KIFAP3: variants seen among roughly 807,000 people sequenced by gnomAD.
KIFAP3 encodes the protein kinesin associated protein 3, also known as kinesin-associated protein 3.
KIFAP3 carries 68 observed loss-of-function variants against 106.5 expected under a neutral mutation model. The ratio of observed to expected loss-of-function variants is 0.64; its 90% CI spans 0.53 to 0.78. KIFAP3 has a LOEUF of 0.78. KIFAP3 is among the 30% of genes least tolerant of loss of function. The pLI, the probability that KIFAP3 is intolerant of heterozygous loss-of-function variation, is 0.00. For missense variants in KIFAP3, 780 were observed against 941.8 expected, an observed-to-expected ratio of 0.83 and a Z score of 2.25; for synonymous variants, 320 against 311.5, an observed-to-expected ratio of 1.03 and a Z score of -0.29.
At chr1:170,031,741 A>G (rs1254470987) in intron 8 of KIFAP3, 145 bp downstream of exon 8, 2 of 564,320 alleles carry the variant, frequency 3.5e-6, no homozygotes, top group African/African-American at 3.7e-5. Flanking sequence ...CCCATGCTAA[A>G]GACAGACGAA....
At chr1:170,059,938 C>G (rs372332687) in intron 1 of KIFAP3, among the ~76,000 whole-genome samples, 1 of 152,154 alleles carries the variant, frequency 6.6e-6, no homozygotes, top group Non-Finnish European at 1.5e-5. Context: ...TCAACAGATG[C>G]AGAAAAGGCC....
chr1:169,938,139 AAAAT>A (rs1663911075), intron 19 of KIFAP3, among the ~76,000 whole-genome samples: 1 of 151,884 alleles, frequency 6.6e-6, no homozygotes, highest in South Asian at 2.1e-4. Context: ...TTTTGAAAAT[AAAAT>A]AAAATTTTTC....
chr1:169,988,674 G>A (rs1666957659), intron 11 of KIFAP3, among the ~76,000 whole-genome samples: 1 of 151,774 alleles, frequency 6.6e-6, no homozygotes, highest in South Asian at 2.1e-4. Context: ...AAGGAAACTT[G>A]GAAATTTCAT....
At chr1:170,007,329 T>C (rs1016931879) in intron 10 of KIFAP3, among the ~76,000 whole-genome samples, 4 of 150,378 alleles carry the variant, frequency 2.7e-5, no homozygotes, top group African/African-American at 7.3e-5. Context: ...GATGGGCAGA[T>C]AGGGAAAGAG....
At chr1:170,081,355 T>C (rs1672018028) in intron 1 of KIFAP3, among the ~76,000 whole-genome samples, 1 of 152,246 alleles carries the variant, frequency 6.6e-6, no homozygotes. Flanking sequence ...ATTATACACC[T>C]ATATTAGTTT....
At position 169,957,554 on chromosome 1, in the gene KIFAP3, T is replaced by G. The variant is rs113520124; in HGVS notation, c.2174-3444A>C. Among the ~76,000 whole-genome samples the G allele has an allele frequency of 4.1e-3, 628 of 152,286 alleles. 5 individuals carry two copies. The highest frequency in any genetic ancestry group is 6.5e-3 in the Non-Finnish European group (444 of 68,004). ...TATAAACATTGTGAATTAAAAAAAA[T>G]ACAAAAACTCAGTATCTTCTTATAT... On this transcript the variant is annotated intron_variant, in intron 18 of 19. Transcript: ENST00000361580.
chr1:170,033,087 G>A (rs1182214955), intron 7 of KIFAP3, among the ~76,000 whole-genome samples: 1 of 151,726 alleles, frequency 6.6e-6, no homozygotes, highest in East Asian at 1.9e-4. Context: ...CAGAACTGAT[G>A]TAAAGTCTCT....
intron 17 of KIFAP3, among the ~76,000 whole-genome samples, chr1:169,971,788 A>G (rs1455274349): frequency 2.0e-5 from 3 of 152,048 alleles, no homozygotes; most frequent in Non-Finnish European, 4.4e-5. Context: ...TCTAAAGGTG[A>G]GCCAAATCCA....
chr1:170,042,807 CAT>C (rs1175420259), intron 3 of KIFAP3, among the ~76,000 whole-genome samples: 1 of 152,164 alleles, frequency 6.6e-6, no homozygotes, highest in African/African-American at 2.4e-5. Flanking sequence ...ATTGCCCTGA[CAT>C]AATTTTCCGC....
At chr1:169,982,222 G>C in intron 14 of KIFAP3, 125 bp from the exon 15 acceptor site, 1 of 992,340 alleles carries the variant, frequency 1.0e-6, no homozygotes, top group Non-Finnish European at 1.5e-6. Flanking sequence ...ATGAATCCTT[G>C]ATATGCTATA....
chr1:169,948,961 A>C (rs1484889844), intron 19 of KIFAP3, among the ~76,000 whole-genome samples: 1 of 152,038 alleles, frequency 6.6e-6, no homozygotes, highest in African/African-American at 2.4e-5. Flanking sequence ...GAGTATAATT[A>C]AGGCAGCCTT....
intron 17 of KIFAP3, among the ~76,000 whole-genome samples, chr1:169,966,089 A>G (rs1665600106): frequency 6.6e-6 from 1 of 151,896 alleles, no homozygotes; most frequent in African/African-American, 2.4e-5. Flanking sequence ...TCATTTTCTT[A>G]CTTAAAATAA....
intron 10 of KIFAP3, among the ~76,000 whole-genome samples, chr1:170,011,878 T>C (rs1010088394): frequency 8.5e-5 from 13 of 152,160 alleles, no homozygotes; most frequent in Admixed American, 2.0e-4. Flanking sequence ...GTAACATATA[T>C]ATTAACAAAT....
At chr1:169,944,479 C>T (rs1189456867) in intron 19 of KIFAP3, among the ~76,000 whole-genome samples, 1 of 152,170 alleles carries the variant, frequency 6.6e-6, no homozygotes, top group African/African-American at 2.4e-5. Flanking sequence ...GGAAGAGCCA[C>T]AGCTCTTCCC....
At chr1:170,007,349 G>T (rs564701754) in intron 10 of KIFAP3, among the ~76,000 whole-genome samples, 9 of 151,870 alleles carry the variant, frequency 5.9e-5, no homozygotes, top group African/African-American at 2.2e-4. Flanking sequence ...GAAACAGAAA[G>T]AGATAAAGAA....
At chr1:170,066,737 T>C (rs952345088) in intron 1 of KIFAP3, among the ~76,000 whole-genome samples, 4 of 152,154 alleles carry the variant, frequency 2.6e-5, no homozygotes, top group African/African-American at 9.7e-5. Flanking sequence ...CTCCAAGCTT[T>C]AAGCTTGAAA....
chr1:169,940,184 TTGAG>T (rs1268163275), intron 19 of KIFAP3, among the ~76,000 whole-genome samples: 1 of 152,200 alleles, frequency 6.6e-6, no homozygotes, highest in African/African-American at 2.4e-5. Flanking sequence ...AGTTTATTGA[TTGAG>T]TGGTGGCAAG....
In KIFAP3 at chr1:169,982,725, T is replaced by C; in HGVS notation, c.1649A>G (p.Tyr550Cys). The C allele has an allele frequency of 6.2e-7, 1 of 1,605,530 alleles. No individual in the cohort carries two copies. The highest frequency in any genetic ancestry group is 8.5e-7 in the Non-Finnish European group (1 of 1,175,844). Residue 550 changes from tyrosine (Y) to cysteine (C), a missense_variant, in exon 14 of 20, where the codon TAC becomes TGC. Physicochemically the swap from Tyr to Cys is radical, Grantham distance 194. Around this residue, in one of 3 missense-constraint regions of KIFAP3, gnomAD observed 588 missense variants for 678.9 expected, o/e 0.87. Transcript: ENST00000361580. ...ACCTGGTTTTAGTTTATCCTTGAGG[T>C]ATGGAACCAACTTATATTCTTTAAG... ...LVLKEYKLVP[Y>C]LKDKLKPGAA...
chr1:170,047,412 G>A (rs566813455), intron 2 of KIFAP3, among the ~76,000 whole-genome samples: 1 of 151,900 alleles, frequency 6.6e-6, no homozygotes, highest in Non-Finnish European at 1.5e-5. Context: ...ACGAGGTCAG[G>A]AGTTTGAGAC....
Sources: allele counts gnomAD v4.1 joint callset (sites outside exome capture counted in the v4.1 genomes callset), GRCh38; gene constraint gnomAD v4.1.1; regional missense constraint gnomAD v4.1.1; transcripts MANE v1.5; gene names NCBI Gene and HGNC (gene_info 2026-07-23, HGNC 2026-07-21).